Variants in SNTG1 observed in about 807,000 individuals in gnomAD.
The protein encoded by SNTG1 is syntrophin gamma 1, also known as gamma-1-syntrophin.
SNTG1 carries 39 observed loss-of-function variants against 74.7 expected under a neutral mutation model. The ratio of observed to expected loss-of-function variants is 0.52; its 90% CI spans 0.40 to 0.68. SNTG1 has a LOEUF of 0.68. SNTG1 is among the 30% of genes least tolerant of loss of function. The pLI, the probability that SNTG1 is intolerant of heterozygous loss-of-function variation, is 0.00. For missense variants in SNTG1, 685 were observed against 609.5 expected (o/e 1.12, Z -1.30); for synonymous variants, 254 against 217.1 (o/e 1.17, Z -1.49).
intron 1 of SNTG1, among the ~76,000 whole-genome samples, chr8:50,153,296 A>G (rs2082135473): frequency 6.6e-6 from 1 of 152,164 alleles, no homozygotes; most frequent in Non-Finnish European, 1.5e-5. Context: ...TATTCTAGTT[A>G]GCCATTTGTC....
At chr8:50,597,108 T>C (rs2094732725) in intron 13 of SNTG1, among the ~76,000 whole-genome samples, 1 of 151,802 alleles carries the variant, frequency 6.6e-6, no homozygotes, top group South Asian at 2.1e-4. Flanking sequence ...ACTATTGTAC[T>C]CTCTACTTGT....
At chr8:50,206,071 G>T (rs1206584339) in intron 2 of SNTG1, among the ~76,000 whole-genome samples, 2 of 152,124 alleles carry the variant, frequency 1.3e-5, no homozygotes, top group South Asian at 2.1e-4. Context: ...GGTTCCATAT[G>T]AACTTTAAAG....
chr8:50,508,455 C>T (rs929827417), intron 9 of SNTG1, among the ~76,000 whole-genome samples: 1 of 152,190 alleles, frequency 6.6e-6, no homozygotes, highest in African/African-American at 2.4e-5. Context: ...ATTGCTGGGT[C>T]AAATGGTATT....
chr8:50,172,514 A>G (rs932688639), intron 1 of SNTG1, 47 bp from the exon 2 acceptor site: 5 of 151,360 alleles, frequency 3.3e-5, no homozygotes, highest in African/African-American at 1.2e-4. Flanking sequence ...CATCACTTCT[A>G]TTTTTGAATG....
chr8:50,360,755 C>A (rs528212191), intron 2 of SNTG1, among the ~76,000 whole-genome samples: 1 of 152,038 alleles, frequency 6.6e-6, no homozygotes, highest in Non-Finnish European at 1.5e-5. Context: ...AAAAGTATGG[C>A]ATAAAAGATA....
intron 2 of SNTG1, among the ~76,000 whole-genome samples, chr8:50,205,014 G>T (rs970190380): frequency 2.1e-4 from 32 of 152,226 alleles, no homozygotes; most frequent in African/African-American, 7.5e-4. Context: ...ATTGTGAATA[G>T]TGCCGCAATA....
intron 3 of SNTG1, among the ~76,000 whole-genome samples, chr8:50,398,339 C>G (rs2092755231): frequency 6.6e-6 from 1 of 152,234 alleles, no homozygotes; most frequent in South Asian, 2.1e-4. Context: ...AGACATCTCT[C>G]CTGCAGCGGC....
At chr8:50,628,042 C>T (rs1488126826) in intron 13 of SNTG1, among the ~76,000 whole-genome samples, 1 of 152,184 alleles carries the variant, frequency 6.6e-6, no homozygotes, top group Non-Finnish European at 1.5e-5. Flanking sequence ...TAACCAGCCC[C>T]ATCCTGAAGC....
chr8:50,640,533 A>G (rs1412763727), intron 13 of SNTG1, among the ~76,000 whole-genome samples: 1 of 152,192 alleles, frequency 6.6e-6, no homozygotes, highest in African/African-American at 2.4e-5. Context: ...TCATGCCTTC[A>G]TCACACACAT....
intron 13 of SNTG1, among the ~76,000 whole-genome samples, chr8:50,644,647 T>C (rs1475099038): frequency 6.6e-6 from 1 of 152,144 alleles, no homozygotes; most frequent in African/African-American, 2.4e-5. Flanking sequence ...AGTTATACAT[T>C]AAATTTTAAC....
At position 50,577,745 on chromosome 8, in the gene SNTG1, T is replaced by A. The variant is rs369800355; in HGVS notation, c.811-13134T>A. Among the ~76,000 whole-genome samples the A allele has an allele frequency of 8.5e-5, 13 of 152,216 alleles. 1 individual carries two copies. Among genetic ancestry groups the A allele is most frequent in the African/African-American group, 2.9e-4 (12 of 41,456 alleles). ...AGGAAAATATACTAACTTGATGATT[T>A]CCATTATTGTTGCACTGCTGTTCTT... On this transcript the variant is annotated intron_variant, in intron 12 of 18. Coordinates refer to ENST00000642720, the MANE Select transcript of SNTG1 (RefSeq NM_018967.5).
rs143797096 is a variant in SNTG1, at chr8:50,367,677, A to C, written c.-27-26535A>C. Among the ~76,000 whole-genome samples the C allele has an allele frequency of 9.2e-3, 1,398 of 152,260 alleles. 27 individuals carry two copies. The highest frequency in any genetic ancestry group is 0.032 in the African/African-American group (1,325 of 41,552). Reference sequence around the variant, plus strand: ...ACTCATTCAATCATGAAACTGTATCAGGATATAATATCTAGTAATTACCTG... The same window carrying C: ...ACTCATTCAATCATGAAACTGTATCCGGATATAATATCTAGTAATTACCTG... On this transcript the variant is annotated intron_variant, in intron 2 of 18. Transcript: ENST00000642720.
At chr8:50,683,369 A>G (rs2095338856) in intron 15 of SNTG1, among the ~76,000 whole-genome samples, 1 of 152,194 alleles carries the variant, frequency 6.6e-6, no homozygotes, top group Non-Finnish European at 1.5e-5. Flanking sequence ...TGGGACTGGG[A>G]TGGAATGAAC....
At chr8:50,144,050 A>G (rs1418395897) in intron 1 of SNTG1, among the ~76,000 whole-genome samples, 1 of 152,206 alleles carries the variant, frequency 6.6e-6, no homozygotes, top group Non-Finnish European at 1.5e-5. Context: ...TTTCATCAGA[A>G]GCACTGACAC....
chr8:50,008,963 A>G (rs1815508406), intron 1 of SNTG1, among the ~76,000 whole-genome samples: 1 of 152,206 alleles, frequency 6.6e-6, no homozygotes, highest in Admixed American at 6.5e-5. Context: ...AAGTAATTTT[A>G]GTTTTCATTC....
intron 1 of SNTG1, among the ~76,000 whole-genome samples, chr8:49,993,562 C>T (rs985915415): frequency 6.6e-6 from 1 of 152,078 alleles, no homozygotes; most frequent in Admixed American, 6.6e-5. Flanking sequence ...TCCTTCCCTC[C>T]CACACCCCGA....
intron 2 of SNTG1, among the ~76,000 whole-genome samples, chr8:50,376,054 G>A (rs1364746289): frequency 6.6e-6 from 1 of 152,180 alleles, no homozygotes; most frequent in Non-Finnish European, 1.5e-5. Context: ...GGTAAACTTT[G>A]TTCTCACTGG....
intron 2 of SNTG1, among the ~76,000 whole-genome samples, chr8:50,178,515 T>C (rs2131697506): frequency 6.6e-6 from 1 of 152,282 alleles, no homozygotes; most frequent in African/African-American, 2.4e-5. Flanking sequence ...ACAATACTAA[T>C]TAATACAAAT....
intron 18 of SNTG1, among the ~76,000 whole-genome samples, chr8:50,787,821 T>C (rs184619412): frequency 6.6e-6 from 1 of 152,088 alleles, no homozygotes; most frequent in African/African-American, 2.4e-5. Context: ...AAAAAAATAA[T>C]GCTTATCAGG....
Sources: allele counts gnomAD v4.1 joint callset (sites outside exome capture counted in the v4.1 genomes callset), GRCh38; gene constraint gnomAD v4.1.1; transcripts MANE v1.5; gene names NCBI Gene and HGNC (gene_info 2026-07-23, HGNC 2026-07-21).